Variants in SLC35A3 observed in about 807,000 individuals in gnomAD.
SLC35A3 encodes the protein UDP-N-acetylglucosamine transporter.
Under a neutral mutation model 39.0 loss-of-function variants are expected in SLC35A3, and 26 were observed. That is an observed-to-expected ratio of 0.67 (90% confidence interval 0.49 to 0.92). The LOEUF is 0.92. Among genes scored for constraint, SLC35A3 ranks in the 40% least tolerant of loss-of-function variants. SLC35A3 has a pLI of 0.00. For synonymous variants in SLC35A3, 135 were observed against 133.1 expected (o/e 1.01, Z -0.10); for missense variants, 299 against 371.6 (o/e 0.80, Z 1.61).
chr1:100,012,008 T>G (rs1659696142), intron 5 of SLC35A3, among the ~76,000 whole-genome samples: 1 of 151,878 alleles, frequency 6.6e-6, no homozygotes, highest in Admixed American at 6.6e-5. Context: ...GTGAGCCACC[T>G]CCCCGGCCAA....
rs1284094905 is a variant in SLC35A3 at position 100,033,944 on chromosome 1, G to A, written c.*11468G>A. ...TATTCAAGGAGGGCTTGTAAGTACT[G>A]TACAATATTCTCTGAGTTGTGACAT... On this transcript the variant is annotated 3_prime_UTR_variant, in exon 8 of 8. Coordinates refer to ENST00000533028, the MANE Select transcript of SLC35A3 (RefSeq NM_012243.3). The A allele has an allele frequency of 2.0e-5, 3 of 152,172 alleles. No individual in the cohort carries two copies. The highest frequency in any genetic ancestry group is 4.4e-5 in the Non-Finnish European group (3 of 68,014). 9.4% of individuals were successfully genotyped at this position (152,172 alleles called of 1,614,324 possible). A position where few individuals can be genotyped will look rare whatever the true frequency, so the allele number is the denominator to read the frequency against.
rs771796184 is a variant in SLC35A3 at position 100,030,250 on chromosome 1, A to G, written c.*7774A>G. 2.6e-5 allele frequency: 4 copies of G among 152,266 alleles called. No homozygotes were observed. Among genetic ancestry groups the G allele is most frequent in the Non-Finnish European group, 5.9e-5 (4 of 68,042 alleles). The allele number at this position is 152,266 out of a possible 1,614,324, so 9.4% of individuals were successfully genotyped here. On this transcript the variant is annotated 3_prime_UTR_variant, in exon 8 of 8. Coordinates refer to ENST00000533028, the MANE Select transcript of SLC35A3 (RefSeq NM_012243.3). ...TAACATGGTGTTCTTTTGGAAATATACAGTTTATCTTAGATATACACTTTC... is the reference window on the plus strand; with the variant it reads ...TAACATGGTGTTCTTTTGGAAATATGCAGTTTATCTTAGATATACACTTTC...
chr1:100,003,075 A>G (rs1658927106), intron 3 of SLC35A3, among the ~76,000 whole-genome samples: 2 of 152,044 alleles, frequency 1.3e-5, no homozygotes, highest in Non-Finnish European at 2.9e-5. Context: ...CTTTTGCTGT[A>G]TCTCATAGGT....
chr1:100,007,147 T>C lies in SLC35A3; in HGVS notation c.456T>C (p.Ala152=). The change falls in exon 4 of 8, where the codon GCT becomes GCC. Residue 152 remains alanine (A), a synonymous_variant. Transcript: ENST00000533028. ...LSLVILMTGV[A]FVQWPSDSQL... is the part of the protein sequence containing the mutation. The stretch of plus-strand genomic sequence containing the variant: ...TAGTAATTTTGATGACAGGAGTTGC[T>C]TTTGTACAGGTAACTATTCAAGATA... 2 of 1,607,856 alleles carry C rather than the reference T, an allele frequency of 1.2e-6. No individual in the cohort carries two copies. Among genetic ancestry groups the C allele is most frequent in the South Asian group, 2.2e-5 (2 of 89,414 alleles).
At chr1:99,979,753 A>AT (rs1329523343) in intron 1 of SLC35A3, among the ~76,000 whole-genome samples, 2 of 144,336 alleles carry the variant, frequency 1.4e-5, no homozygotes, top group Non-Finnish European at 3.0e-5. Flanking sequence ...TTTTAAAAAT[A>AT]TTTTTCCAGG....
intron 3 of SLC35A3, among the ~76,000 whole-genome samples, chr1:100,002,806 G>A (rs528462701): frequency 3.3e-5 from 5 of 151,522 alleles, no homozygotes; most frequent in Admixed American, 1.3e-4. Context: ...GTAGAGACAG[G>A]GTCTTTTTAT....
chr1:100,022,569 TATC>T lies in SLC35A3; in HGVS notation c.*99_*101del, dbSNP rs1204325838. The T allele has an allele frequency of 1.3e-5, 8 of 624,228 alleles. No homozygotes were observed. Among genetic ancestry groups the T allele is most frequent in the Middle Eastern group, 5.1e-4 (2 of 3,884 alleles). The allele number at this position is 624,228 out of a possible 1,614,324, so 38.7% of individuals were successfully genotyped here. A position where few individuals can be genotyped will look rare whatever the true frequency, so the allele number is the denominator to read the frequency against. On this transcript the variant is annotated 3_prime_UTR_variant, in exon 8 of 8. Coordinates refer to ENST00000533028, the MANE Select transcript of SLC35A3 (RefSeq NM_012243.3). Reference sequence around the variant, plus strand: ...AGGACTTCTACAGAGTCTGAGAAGATATCATCATGCTGAATCTGATCATACTGT... The same window carrying T: ...AGGACTTCTACAGAGTCTGAGAAGATATCATGCTGAATCTGATCATACTGT...
chr1:100,015,221 A>G, intron 5 of SLC35A3, 81 bp from the exon 6 acceptor site: 1 of 1,285,850 alleles, frequency 7.8e-7, no homozygotes, highest in Non-Finnish European at 1.0e-6. Flanking sequence ...TAAGTGTAAA[A>G]TTATTTGGAA....
At chr1:99,980,772 T>C (rs1657408711) in intron 1 of SLC35A3, among the ~76,000 whole-genome samples, 1 of 152,208 alleles carries the variant, frequency 6.6e-6, no homozygotes, top group African/African-American at 2.4e-5. Flanking sequence ...AAATTTTGCT[T>C]TTCTTAAGCA....
At chr1:99,977,801 A>C (rs1657208685) in intron 1 of SLC35A3, among the ~76,000 whole-genome samples, 1 of 152,200 alleles carries the variant, frequency 6.6e-6, no homozygotes, top group Non-Finnish European at 1.5e-5. Context: ...GGTCTCCCAA[A>C]GTGCTGGGAT....
chr1:99,983,413 C>T (rs1220373001), intron 1 of SLC35A3, among the ~76,000 whole-genome samples: 1 of 151,294 alleles, frequency 6.6e-6, no homozygotes, highest in African/African-American at 2.4e-5. Flanking sequence ...GTGGCGGGCG[C>T]CTGTAATCCC....
intron 3 of SLC35A3, among the ~76,000 whole-genome samples, chr1:100,003,919 T>C (rs1236597083): frequency 1.3e-5 from 2 of 152,256 alleles, no homozygotes; most frequent in Non-Finnish European, 2.9e-5. Context: ...AAGTCTATTT[T>C]ACATAAGTAT....
At chr1:99,999,215 T>C in intron 2 of SLC35A3, 46 bp from the exon 3 acceptor site, 1 of 1,243,334 alleles carries the variant, frequency 8.0e-7, no homozygotes, top group Non-Finnish European at 1.1e-6. Flanking sequence ...ATATGTAACT[T>C]ATTCAGAGTT....
chr1:99,991,298 C>G (rs762220773), intron 1 of SLC35A3, among the ~76,000 whole-genome samples: 3 of 152,158 alleles, frequency 2.0e-5, no homozygotes, highest in Non-Finnish European at 4.4e-5. Flanking sequence ...GTGCCCGCCA[C>G]CATGCCCGGC....
At position 100,027,485 on chromosome 1, in the gene SLC35A3, A is replaced by C; in HGVS notation, c.*5009A>C. 7 of 295,738 alleles carry C rather than the reference A, an allele frequency of 2.4e-5. No homozygotes were observed. Among genetic ancestry groups the C allele is most frequent in the East Asian group, 5.4e-5 (1 of 18,586 alleles). The allele number at this position is 295,738 out of a possible 1,614,324, so 18.3% of individuals were successfully genotyped here. A position where few individuals can be genotyped will look rare whatever the true frequency, so the allele number is the denominator to read the frequency against. On this transcript the variant is annotated 3_prime_UTR_variant, in exon 8 of 8. Coordinates refer to ENST00000533028, the MANE Select transcript of SLC35A3 (RefSeq NM_012243.3). ...CAAAACAAAAACTGAAACAACAAAA[A>C]AAGACTGGGTTTATTTAAGCTAGTT...
At chr1:99,987,940 A>G (rs888441270) in intron 1 of SLC35A3, among the ~76,000 whole-genome samples, 3 of 152,246 alleles carry the variant, frequency 2.0e-5, no homozygotes, top group African/African-American at 7.2e-5. Flanking sequence ...AAGCCTGGTT[A>G]GGAATGCTAT....
At position 100,011,375 on chromosome 1, in the gene SLC35A3, A is replaced by G; in HGVS notation, c.476A>G (p.Asp159Gly). 6.6e-7 allele frequency: 1 copy of G among 1,514,840 alleles called. No homozygotes were observed. Among genetic ancestry groups the G allele is most frequent in the Non-Finnish European group, 8.9e-7 (1 of 1,123,506 alleles). The allele number at this position is 1,514,840 out of a possible 1,614,324, so 93.8% of individuals were successfully genotyped here. ...TTTCTTCTTATTTAGTGGCCCTCAG[A>G]TTCTCAGCTTGATTCTAAGGAACTT... is the stretch of plus-strand genomic sequence containing the variant. Reference protein sequence around the residue: ...TGVAFVQWPSDSQLDSKELSA... With the variant: ...TGVAFVQWPSGSQLDSKELSA... The change falls in exon 5 of 8, where the codon GAT (aspartate) becomes GGT (glycine). Residue 159 changes from aspartate (D) to glycine (G), a missense_variant. By Grantham distance (94) the Asp-to-Gly change is moderately conservative (BLOSUM62 -1). Coordinates refer to ENST00000533028, the MANE Select transcript of SLC35A3 (RefSeq NM_012243.3).
intron 6 of SLC35A3, chr1:100,015,624 T>C (rs1660045012): frequency 2.1e-6 from 1 of 474,112 alleles, no homozygotes; most frequent in Non-Finnish European, 3.4e-6. Context: ...TTTAATGAAC[T>C]TTGTGGTTTT....
Position 99,999,247 on chromosome 1 carries a change from A to ATAT in SLC35A3, c.188-9_188-7dup. On this transcript the variant is annotated splice_polypyrimidine_tract_variant and intron_variant, in intron 2 of 7. Coordinates refer to ENST00000533028, the MANE Select transcript of SLC35A3 (RefSeq NM_012243.3). ...AGTTACTTAATTACTGATTTTTCTC[A>ATAT]TATTATTTTCTAGAATGTAGTCTAA... 1 of 1,473,888 alleles carries ATAT rather than the reference A, an allele frequency of 6.8e-7. No individual in the cohort carries two copies. The highest frequency in any genetic ancestry group is 1.4e-5 in the South Asian group (1 of 71,292). 91.3% of individuals were successfully genotyped at this position (1,473,888 alleles called of 1,614,324 possible).
Sources: gnomAD v4.1 joint callset for allele counts (sites outside exome capture counted in the v4.1 genomes callset) on GRCh38, gnomAD v4.1.1 for gene constraint, MANE v1.5 for transcripts, NCBI Gene and HGNC (gene_info 2026-07-23, HGNC 2026-07-21) for gene names.